C8orf89: variants seen among roughly 807,000 people sequenced by gnomAD.
The protein encoded by C8orf89 is putative uncharacterized protein C8orf89.
A neutral mutation model predicts 15.8 loss-of-function variants in C8orf89; 14 were observed. The observed-to-expected ratio is 0.89, with a 90% confidence interval of 0.59 to 1.39. C8orf89 has a LOEUF of 1.39. Ranked by LOEUF, C8orf89 falls within the 40% of genes most tolerant of loss-of-function variation. C8orf89 has a pLI of 0.00. For synonymous variants in C8orf89, 55 were observed against 62.2 expected (o/e 0.88, Z 0.54); for missense variants, 181 against 184.5 (o/e 0.98, Z 0.11).
the C8orf89 span, among the ~76,000 whole-genome samples, chr8:73,278,374 C>G: frequency 6.6e-6 from 1 of 152,162 alleles, no homozygotes. Context: ...CAATGCTTTT[C>G]AAAATAAATC....
chr8:73,264,853 T>C, the C8orf89 span, among the ~76,000 whole-genome samples: 1 of 152,160 alleles, frequency 6.6e-6, no homozygotes, highest in Non-Finnish European at 1.5e-5. Flanking sequence ...TGGAGGAATA[T>C]CTAAAAGTGA....
At chr8:73,257,915 C>G (rs1009033742) in intron 1 of C8orf89, among the ~76,000 whole-genome samples, 1 of 151,800 alleles carries the variant, frequency 6.6e-6, no homozygotes, top group African/African-American at 2.4e-5. Context: ...TGATTTTTTC[C>G]TCTTTTGGAA....
intron 3 of C8orf89, among the ~76,000 whole-genome samples, chr8:73,244,014 G>C (rs1488249121): frequency 1.3e-5 from 2 of 152,048 alleles, no homozygotes; most frequent in African/African-American, 4.8e-5. Flanking sequence ...TGGGACAACT[G>C]TGAGATTTAT....
the C8orf89 span, among the ~76,000 whole-genome samples, chr8:73,276,867 C>T: frequency 6.5e-5 from 8 of 123,046 alleles, no homozygotes; most frequent in East Asian, 2.6e-4. Context: ...AGTGCAGTGG[C>T]GTGATCTCGG....
the C8orf89 span, among the ~76,000 whole-genome samples, chr8:73,271,924 T>C: frequency 6.6e-6 from 1 of 152,208 alleles, no homozygotes; most frequent in Non-Finnish European, 1.5e-5. Context: ...AGCCAAACCA[T>C]ATAACCTAGT....
intron 1 of C8orf89, 103 bp downstream of exon 1, chr8:73,259,229 A>G (rs557157222): frequency 3.0e-6 from 2 of 673,734 alleles, no homozygotes; most frequent in South Asian, 8.0e-5. Flanking sequence ...TAATTCTTAC[A>G]TAAATGTCAC....
chr8:73,270,660 C>T, the C8orf89 span, among the ~76,000 whole-genome samples: 3 of 152,180 alleles, frequency 2.0e-5, no homozygotes, highest in Non-Finnish European at 2.9e-5. Context: ...AATCCCAGCA[C>T]TTTGGGAGGC....
the C8orf89 span, among the ~76,000 whole-genome samples, chr8:73,285,803 G>A: frequency 2.0e-5 from 3 of 152,296 alleles, no homozygotes; most frequent in African/African-American, 2.4e-5. Flanking sequence ...CCACGGCGTC[G>A]GGGCGGGACA....
chr8:73,276,641 A>G, the C8orf89 span, among the ~76,000 whole-genome samples: 4 of 152,120 alleles, frequency 2.6e-5, no homozygotes, highest in African/African-American at 9.7e-5. Context: ...TTATTATTAT[A>G]TAACAAATTA....
At chr8:73,285,620 G>A in the C8orf89 span, among the ~76,000 whole-genome samples, 1 of 152,242 alleles carries the variant, frequency 6.6e-6, no homozygotes, top group Non-Finnish European at 1.5e-5. Context: ...CACTGTGCCC[G>A]CAGCTGCACC....
the C8orf89 span, among the ~76,000 whole-genome samples, chr8:73,269,717 A>G: frequency 6.6e-6 from 1 of 152,172 alleles, no homozygotes; most frequent in Non-Finnish European, 1.5e-5. Context: ...CAATAATACA[A>G]CACAAACCCA....
intron 3 of C8orf89, among the ~76,000 whole-genome samples, chr8:73,242,131 A>G (rs1430571849): frequency 6.6e-6 from 1 of 152,190 alleles, no homozygotes; most frequent in Non-Finnish European, 1.5e-5. Flanking sequence ...CAAAGCAAAA[A>G]TGGACAAATG....
upstream of C8orf89, among the ~76,000 whole-genome samples, chr8:73,260,126 T>C (rs73322987): frequency 0.02 from 2,980 of 152,304 alleles, 122 homozygotes; most frequent in African/African-American, 0.068. Context: ...AAATAAATTA[T>C]TTACTGAGTG....
intron 3 of C8orf89, among the ~76,000 whole-genome samples, chr8:73,243,934 T>G (rs1170913795): frequency 6.6e-6 from 1 of 151,856 alleles, no homozygotes; most frequent in Non-Finnish European, 1.5e-5. Flanking sequence ...GCAAAAGTAA[T>G]TGCAGTTCTA....
intron 1 of C8orf89, among the ~76,000 whole-genome samples, chr8:73,258,166 C>A (rs1445310920): frequency 4.6e-5 from 7 of 152,126 alleles, no homozygotes; most frequent in African/African-American, 1.7e-4. Context: ...AATCCCAGCA[C>A]TTTGGGAGTC....
In C8orf89 at chr8:73,259,474, C is replaced by T. The variant is rs1456925714; in HGVS notation, c.-16G>A. On this transcript the variant is annotated 5_prime_UTR_variant, in exon 1 of 4. Transcript: ENST00000624510. ...GCACTGACATTTTTTCTTCTTTCAA[C>T]AGTGCTGATGAGAGGGAGATGCTGC... 1 of 1,519,620 alleles carries T rather than the reference C, an allele frequency of 6.6e-7. No homozygotes were observed. The highest frequency in any genetic ancestry group is 1.4e-5 in the African/African-American group (1 of 72,360). The allele number at this position is 1,519,620 out of a possible 1,614,324, so 94.1% of individuals were successfully genotyped here. A position where few individuals can be genotyped will look rare whatever the true frequency, so the allele number is the denominator to read the frequency against.
At chr8:73,260,701 C>T (rs1813509383), upstream of C8orf89, among the ~76,000 whole-genome samples, 1 of 152,016 alleles carries the variant, frequency 6.6e-6, no homozygotes, top group Non-Finnish European at 1.5e-5. Flanking sequence ...TGTGGGAGAG[C>T]AGAAGGAGGA....
upstream of C8orf89, among the ~76,000 whole-genome samples, chr8:73,261,822 T>C (rs1813535496): frequency 1.3e-5 from 2 of 152,118 alleles, no homozygotes; most frequent in African/African-American, 4.8e-5. Context: ...AGGCCTGTTT[T>C]GGCAGCTCCA....
chr8:73,249,347 T>C (rs1251677707), intron 3 of C8orf89, among the ~76,000 whole-genome samples: 2 of 152,190 alleles, frequency 1.3e-5, no homozygotes, highest in African/African-American at 4.8e-5. Flanking sequence ...GATTTTTACA[T>C]CAATGTTCAT....
Sources: gnomAD v4.1 joint callset for allele counts (sites outside exome capture counted in the v4.1 genomes callset) on GRCh38, gnomAD v4.1.1 for gene constraint, MANE v1.5 for transcripts, NCBI Gene and HGNC (gene_info 2026-07-23, HGNC 2026-07-21) for gene names.